Variants in HTR1E observed in about 807,000 individuals in gnomAD.
HTR1E encodes 5-HT-1E.
In HTR1E, 3 loss-of-function variants were observed where a neutral mutation model predicts 3.4. The ratio of observed to expected loss-of-function variants is 0.89; its 90% CI spans 0.41 to 2.31. The LOEUF (loss-of-function observed/expected upper bound fraction) is 2.31, where lower values mean the gene tolerates loss of function less well. Among genes scored for constraint, HTR1E ranks in the 30% most tolerant of loss-of-function variants. The probability of loss-of-function intolerance (pLI) is 0.05; values close to 1 mark genes in which losing one functional copy is unlikely to be tolerated. For missense variants in HTR1E, 392 were observed against 467.0 expected, an observed-to-expected ratio of 0.84 and a Z score of 1.48; for synonymous variants, 170 against 182.8, an observed-to-expected ratio of 0.93 and a Z score of 0.56.
chr6:87,010,746 G>A (rs1441204045), intron 1 of HTR1E, among the ~76,000 whole-genome samples: 1 of 149,732 alleles, frequency 6.7e-6, no homozygotes, highest in African/African-American at 2.5e-5. Context: ...CAGACGGGGT[G>A]GCGGCCGGGC....
intron 1 of HTR1E, among the ~76,000 whole-genome samples, chr6:86,941,441 T>G (rs532726225): frequency 1.6e-4 from 24 of 152,348 alleles, no homozygotes; most frequent in African/African-American, 5.8e-4. Context: ...TAGATGTCAG[T>G]GTTTTGATCC....
chr6:86,966,885 T>C (rs1019117832), intron 1 of HTR1E, among the ~76,000 whole-genome samples: 1 of 152,248 alleles, frequency 6.6e-6, no homozygotes, highest in African/African-American at 2.4e-5. Flanking sequence ...ATTTTTATTA[T>C]TTTAAAGGGT....
At chr6:87,000,593 G>A (rs1371883508) in intron 1 of HTR1E, among the ~76,000 whole-genome samples, 2 of 152,164 alleles carry the variant, frequency 1.3e-5, no homozygotes, top group Non-Finnish European at 2.9e-5. Flanking sequence ...AGAGTGGCAT[G>A]ACATATGTAA....
chr6:87,015,564 C>T lies in HTR1E; in HGVS notation c.230C>T (p.Pro77Leu). The T allele has an allele frequency of 6.2e-7, 1 of 1,613,240 alleles. No homozygotes were observed. Among genetic ancestry groups the T allele is most frequent in the Non-Finnish European group, 8.5e-7 (1 of 1,179,564 alleles). ...TDLLVAVLVM[P>L]LSIIYIVMDR... ...CTCCTGGTGGCAGTGCTCGTCATGC[C>T]CCTGAGCATCATCTACATTGTCATG... The change falls in exon 2 of 2, where the codon CCC (proline) becomes CTC (leucine). Residue 77 changes from proline (P) to leucine (L), a missense_variant. Around this residue, in one of 3 missense-constraint regions of HTR1E, gnomAD observed 189 missense variants for 258.0 expected, o/e 0.73. Transcript: ENST00000305344.
Position 87,002,132 on chromosome 6 carries a change from G to C in HTR1E, c.-185-13018G>C, listed in dbSNP as rs576905635. On this transcript the variant is annotated intron_variant, in intron 1 of 1. Transcript: ENST00000305344. ...TGTTCGGAATTTATTCCTTCCGGTA[G>C]GTTCTTGGTCTCCCTGACTTCAGGA... Among the ~76,000 whole-genome samples the C allele has an allele frequency of 7.9e-5, 12 of 152,340 alleles. No individual in the cohort carries two copies. The East Asian group carries it at 2.3e-3, about 29-fold the overall frequency.
At chr6:86,968,683 A>G (rs1327983447) in intron 1 of HTR1E, among the ~76,000 whole-genome samples, 1 of 151,808 alleles carries the variant, frequency 6.6e-6, no homozygotes, top group South Asian at 2.1e-4. Context: ...GTTTTTGGCA[A>G]CTCCTTTAAT....
chr6:87,009,111 G>A (rs1768162037), intron 1 of HTR1E, among the ~76,000 whole-genome samples: 1 of 150,252 alleles, frequency 6.7e-6, no homozygotes, highest in African/African-American at 2.5e-5. Context: ...TCTCACAGAG[G>A]GGGATTTGGC....
At chr6:86,986,999 T>C (rs1405589519) in intron 1 of HTR1E, among the ~76,000 whole-genome samples, 2 of 152,160 alleles carry the variant, frequency 1.3e-5, no homozygotes, top group African/African-American at 2.4e-5. Context: ...TCAGAAAATA[T>C]GTTTATACAA....
intron 1 of HTR1E, among the ~76,000 whole-genome samples, chr6:86,966,908 C>G (rs1464540527): frequency 1.3e-5 from 2 of 152,050 alleles, no homozygotes; most frequent in African/African-American, 4.8e-5. Context: ...ATATTTTATT[C>G]AAGTTTATTG....
chr6:86,953,221 G>A (rs958856152), intron 1 of HTR1E, among the ~76,000 whole-genome samples: 3 of 152,112 alleles, frequency 2.0e-5, no homozygotes, highest in Admixed American at 1.3e-4. Flanking sequence ...AAAATATGTT[G>A]GGAGGAGTTT....
In HTR1E at chr6:87,015,318, A is replaced by G; in HGVS notation, c.-17A>G. 4 of 1,531,660 alleles carry G rather than the reference A, an allele frequency of 2.6e-6. No homozygotes were observed. The highest frequency in any genetic ancestry group is 1.4e-5 in the African/African-American group (1 of 72,418). 94.9% of individuals were successfully genotyped at this position (1,531,660 alleles called of 1,614,324 possible). ...AACCAACAGCTTCTCCACAGTGTAGACTGAAACAAGGGAAACATGAACATC... is the reference window on the plus strand; with the variant it reads ...AACCAACAGCTTCTCCACAGTGTAGGCTGAAACAAGGGAAACATGAACATC... On this transcript the variant is annotated 5_prime_UTR_variant, in exon 2 of 2. Transcript: ENST00000305344.
intron 1 of HTR1E, among the ~76,000 whole-genome samples, chr6:86,985,238 T>C (rs1767768975): frequency 6.6e-6 from 1 of 152,058 alleles, no homozygotes; most frequent in African/African-American, 2.4e-5. Flanking sequence ...AAGTATATTT[T>C]TAGGATTCCA....
At chr6:86,945,977 G>A (rs1354694155) in intron 1 of HTR1E, among the ~76,000 whole-genome samples, 1 of 152,066 alleles carries the variant, frequency 6.6e-6, no homozygotes, top group Admixed American at 6.6e-5. Context: ...GACCTCAGGT[G>A]GTTTACCTGC....
rs191151938 is a variant in HTR1E, at chr6:87,007,297, G to T, written c.-185-7853G>T. On this transcript the variant is annotated intron_variant, in intron 1 of 1. Coordinates refer to ENST00000305344, the MANE Select transcript of HTR1E (RefSeq NM_000865.3). ...AAAACAATGAATTCATGGAGGTAGA[G>T]AGTAGAATGATGGCTACCAGAGGCT... Among the ~76,000 whole-genome samples, 23 of 152,294 alleles carry T rather than the reference G, an allele frequency of 1.5e-4. 1 individual carries two copies. The East Asian group carries it at 4.4e-3, about 29-fold the overall frequency.
chr6:86,963,499 T>C (rs554124782), intron 1 of HTR1E, among the ~76,000 whole-genome samples: 2 of 152,354 alleles, frequency 1.3e-5, no homozygotes, highest in South Asian at 2.1e-4. Context: ...TTAGAAAGTC[T>C]ACAGTAGTGT....
At chr6:86,964,584 T>G (rs1461895241) in intron 1 of HTR1E, among the ~76,000 whole-genome samples, 1 of 152,240 alleles carries the variant, frequency 6.6e-6, no homozygotes, top group Non-Finnish European at 1.5e-5. Flanking sequence ...TGGTTACATT[T>G]GTCTAAGTTA....
chr6:86,938,260 A>G (rs968837591), intron 1 of HTR1E, among the ~76,000 whole-genome samples: 2 of 152,038 alleles, frequency 1.3e-5, no homozygotes, highest in Admixed American at 1.3e-4. Flanking sequence ...TGATTAAAAA[A>G]CCTTTGATTA....
intron 1 of HTR1E, among the ~76,000 whole-genome samples, chr6:86,987,042 A>G (rs796962639): frequency 2.0e-5 from 3 of 152,342 alleles, no homozygotes; most frequent in African/African-American, 7.2e-5. Flanking sequence ...TGTTGAGGCA[A>G]GACAACCAAA....
At chr6:86,976,801 A>C (rs1057349931) in intron 1 of HTR1E, among the ~76,000 whole-genome samples, 1 of 152,194 alleles carries the variant, frequency 6.6e-6, no homozygotes, top group African/African-American at 2.4e-5. Context: ...TTATGAAATC[A>C]TTGCCTTTTT....
Sources: allele counts gnomAD v4.1 joint callset (sites outside exome capture counted in the v4.1 genomes callset), GRCh38; gene constraint gnomAD v4.1.1; regional missense constraint gnomAD v4.1.1; transcripts MANE v1.5; gene names NCBI Gene and HGNC (gene_info 2026-07-23, HGNC 2026-07-21).